Variants in PCDHGB5 observed in about 807,000 individuals in gnomAD.
PCDHGB5 encodes the protein protocadherin gamma-B5.
Under a neutral mutation model 62.9 loss-of-function variants are expected in PCDHGB5, and 48 were observed. The observed-to-expected ratio is 0.76, with a 90% confidence interval of 0.61 to 0.97. The LOEUF is 0.97. PCDHGB5 is among the 50% of genes least tolerant of loss of function. The probability of loss-of-function intolerance (pLI) is 0.00; values close to 1 mark genes in which losing one functional copy is unlikely to be tolerated. For synonymous variants in PCDHGB5, 474 were observed against 511.2 expected (o/e 0.93, Z 0.98); for missense variants, 1,118 against 1,198.6 (o/e 0.93, Z 0.99).
intron 1 of PCDHGB5, chr5:141,409,394 T>C: frequency 1.9e-6 from 3 of 1,614,008 alleles, no homozygotes; most frequent in Non-Finnish European, 2.5e-6. Flanking sequence ...TTATTCTTCT[T>C]CCAATAACTA....
chr5:141,443,317 C>CAAA (rs35054295), intron 1 of PCDHGB5, among the ~76,000 whole-genome samples: 8 of 142,020 alleles, frequency 5.6e-5, no homozygotes, highest in African/African-American at 2.1e-4. Context: ...CCCATCTCTA[C>CAAA]AAAAAAAAAA....
rs777924092 is a variant in PCDHGB5 at position 141,487,482 on chromosome 5, A to T, written c.2398-7325A>T. The T allele has an allele frequency of 1.2e-6, 2 of 1,614,164 alleles. No individual in the cohort carries two copies. Among genetic ancestry groups the T allele is most frequent in the South Asian group, 2.2e-5 (2 of 91,086 alleles). ...TTTGTTGATGTGGGAGGCCACTCTCATGGCTGTACACCCTTGGCTTCTGCA... is the reference window on the plus strand; with the variant it reads ...TTTGTTGATGTGGGAGGCCACTCTCTTGGCTGTACACCCTTGGCTTCTGCA... On this transcript the variant is annotated intron_variant, in intron 1 of 3. Coordinates refer to ENST00000617380, the MANE Select transcript of PCDHGB5 (RefSeq NM_018925.3). The surrounding 1 kb of genome is among the most constrained non-coding windows in gnomAD (Gnocchi z 5.0).
At position 141,431,418 on chromosome 5, in the gene PCDHGB5, C is replaced by G. The variant is rs571505529; in HGVS notation, c.2397+30894C>G. On this transcript the variant is annotated intron_variant, in intron 1 of 3. Transcript: ENST00000617380. The surrounding 1 kb of genome is among the most constrained non-coding windows in gnomAD (Gnocchi z 4.8). ...CTTACGGCCTCCGACGGGGGCGACC[C>G]GGTGCGCACAGGCACCGCGCGCATC... is the stretch of plus-strand genomic sequence containing the variant. 6.8e-6 allele frequency: 11 copies of G among 1,613,588 alleles called. No homozygotes were observed. In the South Asian group the frequency reaches 1.1e-4, roughly 16 times the overall value.
At chr5:141,500,876 A>G (rs909126749) in intron 2 of PCDHGB5, among the ~76,000 whole-genome samples, 1 of 124,952 alleles carries the variant, frequency 8.0e-6, no homozygotes, top group African/African-American at 3.5e-5. Flanking sequence ...ATTCATTTAC[A>G]ATTTTTTTTT....
At chr5:141,402,908 G>A (rs772824235) in intron 1 of PCDHGB5, 1 of 1,545,226 alleles carries the variant, frequency 6.5e-7, no homozygotes, top group Admixed American at 2.0e-5. Context: ...TGATGAAGCA[G>A]CGCGCACAGA....
intron 1 of PCDHGB5, chr5:141,404,600 C>G (rs1406207982): frequency 6.2e-7 from 1 of 1,613,938 alleles, no homozygotes; most frequent in Non-Finnish European, 8.5e-7. Flanking sequence ...GTCATTGAGA[C>G]TGTTTGTTTT....
chr5:141,463,467 G>A (rs200270457), intron 1 of PCDHGB5, among the ~76,000 whole-genome samples: 2,116 of 11,250 alleles, frequency 0.19, 39 homozygotes, highest in East Asian at 0.24. Context: ...TTTTTTTTTT[G>A]AGATGGAGTC....
In PCDHGB5 at chr5:141,491,443, G is replaced by C. The variant is rs955584868; in HGVS notation, c.2398-3364G>C. On this transcript the variant is annotated intron_variant, in intron 1 of 3. Transcript: ENST00000617380. This position sits in a 1 kb window ranked among gnomAD's most constrained non-coding sequence, Gnocchi z 6.9. ...TGGAGGGCAGTGCTGCAGGCGCCAG[G>C]ACTCACCCTCCCCGGACTTCTATAA... 1 of 1,613,998 alleles carries C rather than the reference G, an allele frequency of 6.2e-7. No homozygotes were observed. Among genetic ancestry groups the C allele is most frequent in the Admixed American group, 1.7e-5 (1 of 60,000 alleles).
At position 141,432,898 on chromosome 5, in the gene PCDHGB5, G is replaced by C. The variant is rs746913952; in HGVS notation, c.2397+32374G>C. ...TGGCCTTCGTCATCTTGCTGCTGGC[G>C]CTCAGGCTGCGGCGCTGGCACAAGT... On this transcript the variant is annotated intron_variant, in intron 1 of 3. Coordinates refer to ENST00000617380, the MANE Select transcript of PCDHGB5 (RefSeq NM_018925.3). The surrounding 1 kb of genome is among the most constrained non-coding windows in gnomAD (Gnocchi z 6.0). 28 of 1,614,056 alleles carry C rather than the reference G, an allele frequency of 1.7e-5. No individual in the cohort carries two copies. In the African/African-American group the frequency reaches 2.4e-4, roughly 14 times the overall value.
intron 1 of PCDHGB5, chr5:141,409,547 G>A (rs760802690): frequency 1.2e-6 from 2 of 1,613,936 alleles, no homozygotes; most frequent in Non-Finnish European, 1.7e-6. Flanking sequence ...CAACGACAAC[G>A]CCCCAGTTTT....
At chr5:141,500,222 T>TGA (rs1355843194) in intron 2 of PCDHGB5, among the ~76,000 whole-genome samples, 1 of 146,758 alleles carries the variant, frequency 6.8e-6, no homozygotes, top group Non-Finnish European at 1.5e-5. Flanking sequence ...ATTTATTTAT[T>TGA]TATTGATACG....
rs766516627 is a variant in PCDHGB5 at position 141,398,178 on chromosome 5, C to G, written c.51C>G (p.Leu17=). The G allele has an allele frequency of 8.2e-6, 12 of 1,472,146 alleles. No individual in the cohort carries two copies. The South Asian group carries it at 8.4e-5, about 10-fold the overall frequency. The allele number at this position is 1,472,146 out of a possible 1,614,324, so 91.2% of individuals were successfully genotyped here. A position where few individuals can be genotyped will look rare whatever the true frequency, so the allele number is the denominator to read the frequency against. ...ELGRAERLPV[L]FLFLLSLFCP... is the part of the protein sequence containing the mutation. ...GCCGGGCTGAGAGGCTGCCAGTGCT[C>G]TTTCTCTTCCTGCTGTCTTTGTTCT... Residue 17 remains leucine, a synonymous_variant, in exon 1 of 4, where the codon CTC becomes CTG. Coordinates refer to ENST00000617380, the MANE Select transcript of PCDHGB5 (RefSeq NM_018925.3).
In PCDHGB5 at chr5:141,509,418, A is replaced by G. The variant is rs767758113; in HGVS notation, c.2546-1529A>G. Among the ~76,000 whole-genome samples the G allele has an allele frequency of 2.6e-5, 4 of 152,188 alleles. No individual in the cohort carries two copies. The South Asian group carries it at 6.2e-4, about 24-fold the overall frequency. ...TCAGGGCCTCCAGCAGCGAGCCCCA[A>G]TGAGTCAAACTCTTGTTTCCTCCTC... On this transcript the variant is annotated intron_variant, in intron 3 of 3. Transcript: ENST00000617380.
intron 1 of PCDHGB5, chr5:141,418,660 T>C (rs1377720154): frequency 6.2e-7 from 1 of 1,614,024 alleles, no homozygotes; most frequent in Admixed American, 1.7e-5. Context: ...TGAAGGCCAC[T>C]GACCAGGACG....
rs2099391466 is a variant in PCDHGB5, at chr5:141,476,424, C to T, written c.2398-18383C>T. ...GAGGAGCTGTGTGGGACACTGCCCT[C>T]TTGCACTGTAACTCTGGAGTTGGTA... is the stretch of plus-strand genomic sequence containing the variant. On this transcript the variant is annotated intron_variant, in intron 1 of 3. Coordinates refer to ENST00000617380, the MANE Select transcript of PCDHGB5 (RefSeq NM_018925.3). This position sits in a 1 kb window ranked among gnomAD's most constrained non-coding sequence, Gnocchi z 7.6. 1 of 1,613,978 alleles carries T rather than the reference C, an allele frequency of 6.2e-7. No individual in the cohort carries two copies. The highest frequency in any genetic ancestry group is 1.1e-5 in the South Asian group (1 of 91,076).
At chr5:141,508,903 G>A (rs1410291297) in intron 3 of PCDHGB5, among the ~76,000 whole-genome samples, 1 of 152,086 alleles carries the variant, frequency 6.6e-6, no homozygotes, top group East Asian at 1.9e-4. Flanking sequence ...GGGCGGGGCG[G>A]TGGCGGATCT....
Position 141,485,048 on chromosome 5 carries a change from C to T in PCDHGB5, c.2398-9759C>T. ...AAACGGCGCGTAACCCTTGCGGCGC[C>T]GGCCGAACCGCGCCAGAGCTGGCGC... On this transcript the variant is annotated intron_variant, in intron 1 of 3. Transcript: ENST00000617380. The surrounding 1 kb of genome is among the most constrained non-coding windows in gnomAD (Gnocchi z 5.7). 1 of 770,392 alleles carries T rather than the reference C, an allele frequency of 1.3e-6. No individual in the cohort carries two copies. Among genetic ancestry groups the T allele is most frequent in the South Asian group, 1.7e-5 (1 of 58,120 alleles). 47.7% of individuals were successfully genotyped at this position (770,392 alleles called of 1,614,324 possible). A position where few individuals can be genotyped will look rare whatever the true frequency, so the allele number is the denominator to read the frequency against.
At chr5:141,404,779 C>G in intron 1 of PCDHGB5, 1 of 1,613,746 alleles carries the variant, frequency 6.2e-7, no homozygotes, top group Non-Finnish European at 8.5e-7. Context: ...ACCGCCTATT[C>G]AAGGCCAGTG....
intron 2 of PCDHGB5, among the ~76,000 whole-genome samples, chr5:141,504,179 A>C (rs1247627456): frequency 6.6e-6 from 1 of 152,240 alleles, no homozygotes; most frequent in Non-Finnish European, 1.5e-5. Context: ...AATTCAAAAA[A>C]ATCATGAAAA....
Sources: gnomAD v4.1 joint callset for allele counts (sites outside exome capture counted in the v4.1 genomes callset) on GRCh38, gnomAD v4.1.1 for gene constraint, Gnocchi (gnomAD v3.1) non-coding constraint, MANE v1.5 for transcripts, NCBI Gene and HGNC (gene_info 2026-07-23, HGNC 2026-07-21) for gene names.